The following FMN1 variants were observed in gnomAD, a reference collection of about 807,000 sequenced individuals.
FMN1 encodes formin 1.
Under a neutral mutation model 132.4 loss-of-function variants are expected in FMN1, and 110 were observed. That is an observed-to-expected ratio of 0.83 (90% confidence interval 0.71 to 0.97). The LOEUF (loss-of-function observed/expected upper bound fraction) is 0.97. Among genes scored for constraint, FMN1 ranks in the 50% least tolerant of loss-of-function variants. The pLI, the probability that FMN1 is intolerant of heterozygous loss-of-function variation, is 0.00. For missense variants in FMN1, 1,792 were observed against 1,705.3 expected, an observed-to-expected ratio of 1.05 and a Z score of -0.90; for synonymous variants, 722 against 651.7, an observed-to-expected ratio of 1.11 and a Z score of -1.64.
intron 16 of FMN1, among the ~76,000 whole-genome samples, chr15:32,879,349 A>G (rs1003961856): frequency 6.6e-6 from 1 of 152,226 alleles, no homozygotes; most frequent in South Asian, 2.1e-4. Context: ...GCTCAGACTT[A>G]GTAAACTACT....
chr15:33,147,232 G>A (rs2061074), intron 4 of FMN1, among the ~76,000 whole-genome samples: 6,299 of 151,442 alleles, frequency 0.042, 446 homozygotes, highest in African/African-American at 0.15. Flanking sequence ...TGCTTTATCA[G>A]TTTGATATAA....
In FMN1 at chr15:32,774,037, T is replaced by C. The variant is rs558240018; in HGVS notation, c.*273A>G. On this transcript the variant is annotated 3_prime_UTR_variant, in exon 21 of 21. Transcript: ENST00000616417. ...TTTGGAAACATTTTGGTATTTCTTC[T>C]GCTCTTAGAGTGGACTTTGGGCTTC... 8.8e-6 allele frequency: 4 copies of C among 455,972 alleles called. No homozygotes were observed. The South Asian group carries it at 1.4e-4, about 16-fold the overall frequency. The allele number at this position is 455,972 out of a possible 1,614,324, so 28.2% of individuals were successfully genotyped here.
chr15:32,855,952 T>C (rs1385082232), intron 17 of FMN1, among the ~76,000 whole-genome samples: 1 of 152,208 alleles, frequency 6.6e-6, no homozygotes, highest in African/African-American at 2.4e-5. Flanking sequence ...TCTTCCATCA[T>C]ATATGAGGTT....
At chr15:32,878,673 T>TAC (rs1233288552) in intron 16 of FMN1, among the ~76,000 whole-genome samples, 3 of 152,190 alleles carry the variant, frequency 2.0e-5, no homozygotes, top group Admixed American at 6.5e-5. Context: ...CAGGTAGCCT[T>TAC]ACACTCATTT....
chr15:32,953,089 T>C (rs958100062), intron 9 of FMN1, among the ~76,000 whole-genome samples: 1 of 152,112 alleles, frequency 6.6e-6, no homozygotes, highest in Non-Finnish European at 1.5e-5. Context: ...GCGAGCATGA[T>C]TTGATTCACC....
chr15:33,045,067 G>A (rs2036615223), intron 6 of FMN1, among the ~76,000 whole-genome samples: 2 of 152,226 alleles, frequency 1.3e-5, no homozygotes, highest in South Asian at 4.1e-4. Context: ...CCAGGGCTGT[G>A]ACACCTGCTT....
chr15:33,141,883 C>T (rs1964024360), intron 4 of FMN1, among the ~76,000 whole-genome samples: 1 of 152,038 alleles, frequency 6.6e-6, no homozygotes, highest in Admixed American at 6.5e-5. Flanking sequence ...CTTTGGCTGG[C>T]AATGCTCCCA....
intron 3 of FMN1, among the ~76,000 whole-genome samples, chr15:33,175,989 C>T (rs144681281): frequency 0.014 from 2,162 of 152,202 alleles, 31 homozygotes; most frequent in Non-Finnish European, 0.022. Flanking sequence ...TATGTAAAGA[C>T]GTGAGACATG....
At chr15:33,067,619 G>C (rs2037805605) in intron 5 of FMN1, 1 of 1,613,868 alleles carries the variant, frequency 6.2e-7, no homozygotes, top group African/African-American at 1.3e-5. Flanking sequence ...TCCGAGGTCA[G>C]GTGAAACCCG....
At chr15:32,991,891 A>G (rs561263675) in intron 7 of FMN1, among the ~76,000 whole-genome samples, 1 of 152,256 alleles carries the variant, frequency 6.6e-6, no homozygotes, top group South Asian at 2.1e-4. Context: ...ATCTTGCAAA[A>G]TATTTTTGGA....
At chr15:33,065,441 C>G (rs746782864) in intron 5 of FMN1, among the ~76,000 whole-genome samples, 1 of 152,160 alleles carries the variant, frequency 6.6e-6, no homozygotes, top group Non-Finnish European at 1.5e-5. Flanking sequence ...ACCAATGTAT[C>G]CCGGGACTCC....
At chr15:33,017,001 A>T (rs946265501) in intron 6 of FMN1, among the ~76,000 whole-genome samples, 2 of 152,146 alleles carry the variant, frequency 1.3e-5, no homozygotes, top group African/African-American at 4.8e-5. Context: ...AAATCTTTTC[A>T]TGCCCTTGTG....
chr15:32,839,674 G>T (rs553771319), intron 17 of FMN1, among the ~76,000 whole-genome samples: 1 of 151,710 alleles, frequency 6.6e-6, no homozygotes, highest in South Asian at 2.1e-4. Flanking sequence ...AATCAATAAT[G>T]GCTTGCACCC....
intron 7 of FMN1, among the ~76,000 whole-genome samples, chr15:32,976,648 A>G (rs2032228075): frequency 6.6e-6 from 1 of 152,250 alleles, no homozygotes; most frequent in Non-Finnish European, 1.5e-5. Flanking sequence ...GGACACTTAG[A>G]AACATGAGGC....
chr15:33,067,417 C>T, intron 5 of FMN1: 1 of 1,614,024 alleles, frequency 6.2e-7, no homozygotes, highest in East Asian at 2.2e-5. Flanking sequence ...CCTCCTCTGG[C>T]TCCTGGCCAC....
At chr15:33,165,516 G>T (rs373447312) in intron 3 of FMN1, among the ~76,000 whole-genome samples, 1 of 152,184 alleles carries the variant, frequency 6.6e-6, no homozygotes, top group South Asian at 2.1e-4. Flanking sequence ...TCAGCCTCCC[G>T]AGTAGCTGGG....
intron 9 of FMN1, among the ~76,000 whole-genome samples, chr15:32,937,892 C>G (rs933515372): frequency 2.0e-5 from 3 of 152,142 alleles, no homozygotes; most frequent in African/African-American, 7.2e-5. Flanking sequence ...TGAAAGGAAA[C>G]AAATGGAGGA....
intron 7 of FMN1, among the ~76,000 whole-genome samples, chr15:32,987,395 A>G (rs935527659): frequency 1.3e-5 from 2 of 152,168 alleles, no homozygotes; most frequent in South Asian, 2.1e-4. Flanking sequence ...TGTACTCCGA[A>G]TAATTACAAA....
At chr15:33,140,168 C>T (rs1012241245) in intron 4 of FMN1, among the ~76,000 whole-genome samples, 3 of 149,266 alleles carry the variant, frequency 2.0e-5, no homozygotes, top group Non-Finnish European at 4.4e-5. Flanking sequence ...TATTTTGTCC[C>T]TATGCAACTT....
Sources: allele counts gnomAD v4.1 joint callset (sites outside exome capture counted in the v4.1 genomes callset), GRCh38; gene constraint gnomAD v4.1.1; transcripts MANE v1.5; gene names NCBI Gene and HGNC (gene_info 2026-07-23, HGNC 2026-07-21).